CRY1: variants seen among roughly 807,000 people sequenced by gnomAD.
CRY1 encodes cryptochrome-1.
In CRY1, 45 loss-of-function variants were observed where a neutral mutation model predicts 76.0. That is an observed-to-expected ratio of 0.59 (90% CI 0.47 to 0.76). The LOEUF (loss-of-function observed/expected upper bound fraction) is 0.76, where lower values mean the gene tolerates loss of function less well. Among genes scored for constraint, CRY1 ranks in the 30% least tolerant of loss-of-function variants. CRY1 has a pLI of 0.00. For missense variants in CRY1, 587 were observed against 716.4 expected (o/e 0.82, Z 2.06); for synonymous variants, 248 against 244.0 (o/e 1.02, Z -0.15).
At chr12:107,084,981 A>C (rs1953378746) in intron 1 of CRY1, among the ~76,000 whole-genome samples, 1 of 152,018 alleles carries the variant, frequency 6.6e-6, no homozygotes, top group Non-Finnish European at 1.5e-5. Context: ...TACAAAAAAA[A>C]AAAAACCCAT....
intron 1 of CRY1, among the ~76,000 whole-genome samples, chr12:107,062,711 G>A (rs1447295976): frequency 6.6e-6 from 1 of 152,114 alleles, no homozygotes; most frequent in African/African-American, 2.4e-5. Context: ...ATATATTCAA[G>A]CCAGTATTTA....
At chr12:107,019,921 C>T (rs1952535415) in intron 2 of CRY1, among the ~76,000 whole-genome samples, 1 of 151,888 alleles carries the variant, frequency 6.6e-6, no homozygotes, top group Non-Finnish European at 1.5e-5. Context: ...CCTGTCTCCC[C>T]AGCACCAAAC....
Position 106,993,588 on chromosome 12 carries a change from G to A in CRY1, c.1586-552C>T, listed in dbSNP as rs146466280. ...CTAGAACAGAGAAGTATGTTTTAGG[G>A]AAACATTTCTGTCAGTGTGTCCAGT... is the stretch of plus-strand genomic sequence containing the variant. On this transcript the variant is annotated intron_variant, in intron 10 of 12. Coordinates refer to ENST00000008527, the MANE Select transcript of CRY1 (RefSeq NM_004075.5). Among the ~76,000 whole-genome samples the A allele has an allele frequency of 6.0e-3, 909 of 152,062 alleles. 32 individuals carry two copies. The highest frequency in any genetic ancestry group is 0.052 in the Admixed American group (795 of 15,270).
At chr12:107,053,925 T>C (rs1952952584) in intron 1 of CRY1, among the ~76,000 whole-genome samples, 2 of 152,296 alleles carry the variant, frequency 1.3e-5, no homozygotes, top group South Asian at 4.1e-4. Flanking sequence ...AGAAAATCAC[T>C]GTCAACCTAG....
rs1234850572 is a variant in CRY1, at chr12:106,999,654, G to A, written c.1034C>T (p.Thr345Ile). ...AATCCAACCCTCCTGACGAAGCTGT[G>A]TCATGATGGCATCAATCCATGGAAA... Reference protein sequence around the residue: ...TGFPWIDAIMTQLRQEGWIHH... With the variant: ...TGFPWIDAIMIQLRQEGWIHH... The change falls in exon 7 of 13, where the codon ACA (threonine) becomes ATA (isoleucine). Residue 345 changes from threonine to isoleucine, a missense_variant. Thr to Ile is a moderately conservative substitution (Grantham distance 89). Coordinates refer to ENST00000008527, the MANE Select transcript of CRY1 (RefSeq NM_004075.5). The A allele has an allele frequency of 9.3e-6, 15 of 1,614,118 alleles. No individual in the cohort carries two copies. The highest frequency in any genetic ancestry group is 1.3e-5 in the Non-Finnish European group (15 of 1,180,050).
At chr12:107,017,843 C>CTGAT (rs1952513551) in intron 2 of CRY1, among the ~76,000 whole-genome samples, 1 of 152,190 alleles carries the variant, frequency 6.6e-6, no homozygotes, top group African/African-American at 2.4e-5. Flanking sequence ...CAAATGTCAC[C>CTGAT]TTATCAGTGA....
At chr12:107,022,657 A>C (rs1952571768) in intron 1 of CRY1, among the ~76,000 whole-genome samples, 1 of 151,944 alleles carries the variant, frequency 6.6e-6, no homozygotes. Flanking sequence ...TATCATGGTA[A>C]AAAGGAATCT....
At chr12:107,021,580 A>G (rs1267703250) in intron 2 of CRY1, among the ~76,000 whole-genome samples, 4 of 152,228 alleles carry the variant, frequency 2.6e-5, no homozygotes, top group Non-Finnish European at 5.9e-5. Flanking sequence ...ACAACTTCCA[A>G]AAGATATGGT....
chr12:107,004,753 A>G (rs952146444), intron 3 of CRY1, among the ~76,000 whole-genome samples: 7 of 152,212 alleles, frequency 4.6e-5, no homozygotes, highest in Non-Finnish European at 1.0e-4. Context: ...ATAACTATAT[A>G]TAACTATAAA....
chr12:107,016,369 TA>T (rs1267167500), intron 2 of CRY1, among the ~76,000 whole-genome samples: 4 of 151,764 alleles, frequency 2.6e-5, no homozygotes, highest in Non-Finnish European at 5.9e-5. Context: ...CAAACAATTT[TA>T]AAAAAAAGTT....
At chr12:107,090,812 A>G (rs1014004880) in intron 1 of CRY1, among the ~76,000 whole-genome samples, 1 of 152,090 alleles carries the variant, frequency 6.6e-6, no homozygotes, top group Non-Finnish European at 1.5e-5. Flanking sequence ...CCAACTGCCT[A>G]TTTGCTATCT....
intron 1 of CRY1, 43 bp downstream of exon 1, chr12:107,092,761 T>C (rs1565850509): frequency 6.2e-7 from 1 of 1,606,880 alleles, no homozygotes; most frequent in Admixed American, 1.7e-5. Context: ...AACATCAGAC[T>C]CATTAAACAC....
intron 1 of CRY1, among the ~76,000 whole-genome samples, chr12:107,026,045 T>C (rs1237428944): frequency 8.7e-6 from 1 of 114,768 alleles, no homozygotes; most frequent in Non-Finnish European, 1.9e-5. Flanking sequence ...AGGTACATTA[T>C]GTCCTTCAGA....
intron 1 of CRY1, among the ~76,000 whole-genome samples, chr12:107,051,041 T>C (rs1163999891): frequency 6.6e-6 from 1 of 152,094 alleles, no homozygotes; most frequent in Non-Finnish European, 1.5e-5. Context: ...TATGATGTGG[T>C]TTTCAAAAGA....
chr12:107,018,177 GT>G (rs1267503532), intron 2 of CRY1, among the ~76,000 whole-genome samples: 2 of 152,200 alleles, frequency 1.3e-5, no homozygotes, highest in African/African-American at 4.8e-5. Context: ...AAATTTTACT[GT>G]TGAAAAATGG....
intron 1 of CRY1, among the ~76,000 whole-genome samples, chr12:107,055,222 T>A (rs1952969041): frequency 6.6e-6 from 1 of 152,094 alleles, no homozygotes; most frequent in Non-Finnish European, 1.5e-5. Context: ...ATGCTAAAAA[T>A]TAATACTGAA....
intron 2 of CRY1, among the ~76,000 whole-genome samples, chr12:107,005,561 G>C (rs1952363919): frequency 1.3e-5 from 2 of 152,116 alleles, no homozygotes; most frequent in South Asian, 4.1e-4. Flanking sequence ...TATTTCATTT[G>C]AGCCTCAAAA....
At chr12:107,060,363 T>G (rs1953031721) in intron 1 of CRY1, among the ~76,000 whole-genome samples, 1 of 152,148 alleles carries the variant, frequency 6.6e-6, no homozygotes, top group South Asian at 2.1e-4. Flanking sequence ...CTCCTATTGC[T>G]CTCTCTCTCT....
intron 1 of CRY1, among the ~76,000 whole-genome samples, chr12:107,088,530 C>T (rs1230209979): frequency 6.6e-6 from 1 of 152,146 alleles, no homozygotes; most frequent in African/African-American, 2.4e-5. Context: ...CTTGTTTACC[C>T]CTTCTGCCAT....
Sources: gnomAD v4.1 joint callset for allele counts (sites outside exome capture counted in the v4.1 genomes callset) on GRCh38, gnomAD v4.1.1 for gene constraint, MANE v1.5 for transcripts, NCBI Gene and HGNC (gene_info 2026-07-23, HGNC 2026-07-21) for gene names.